Variants in GMPR observed in about 807,000 individuals in gnomAD.
GMPR encodes GMP reductase 1.
A neutral mutation model predicts 38.4 loss-of-function variants in GMPR; 31 were observed. That is an observed-to-expected ratio of 0.81 (90% CI 0.61 to 1.09). The LOEUF is 1.09. Ranked by LOEUF, GMPR falls within the 50% of genes least tolerant of loss-of-function variation. The pLI, the probability that GMPR is intolerant of heterozygous loss-of-function variation, is 0.00. For synonymous variants in GMPR, 162 were observed against 173.3 expected (o/e 0.93, Z 0.51); for missense variants, 468 against 453.7 (o/e 1.03, Z -0.29).
chr6:16,278,704 A>G, intron 5 of GMPR, 80 bp from the exon 6 acceptor site: 1 of 984,094 alleles, frequency 1.0e-6, no homozygotes, highest in Non-Finnish European at 1.6e-6. Context: ...CAGGGCTGCA[A>G]AGGTAAGGGG....
chr6:16,257,437 A>G lies in GMPR; in HGVS notation c.465+2702A>G, dbSNP rs182062161. Among the ~76,000 whole-genome samples the G allele has an allele frequency of 1.0e-3, 152 of 152,236 alleles. 2 individuals are homozygous for G. Among genetic ancestry groups the G allele is most frequent in the African/African-American group, 3.5e-3 (146 of 41,560 alleles). ...CTTGATAGTATATTTGAGATTCACC[A>G]CATTGCTTTATGTCAGCTGTATATA... On this transcript the variant is annotated intron_variant, in intron 4 of 8. Coordinates refer to ENST00000259727, the MANE Select transcript of GMPR (RefSeq NM_006877.4).
intron 4 of GMPR, among the ~76,000 whole-genome samples, chr6:16,256,682 AAAT>A (rs1192329673): frequency 6.6e-6 from 1 of 152,206 alleles, no homozygotes; most frequent in African/African-American, 2.4e-5. Context: ...GAATACTGTT[AAAT>A]AATAAGAAAT....
At chr6:16,239,415 C>T (rs1182577830) in intron 1 of GMPR, among the ~76,000 whole-genome samples, 1 of 152,188 alleles carries the variant, frequency 6.6e-6, no homozygotes, top group Non-Finnish European at 1.5e-5. Context: ...GAATTGGAAG[C>T]CTCGGGCATT....
At chr6:16,272,440 G>A (rs541171529) in intron 4 of GMPR, among the ~76,000 whole-genome samples, 4 of 152,268 alleles carry the variant, frequency 2.6e-5, no homozygotes, top group East Asian at 1.9e-4. Context: ...ATGGACAAAC[G>A]GCTTTCTGGG....
chr6:16,289,397 T>C (rs1314720503), intron 7 of GMPR: 2 of 152,284 alleles, frequency 1.3e-5, no homozygotes, highest in Non-Finnish European at 2.9e-5. Flanking sequence ...ATGATAACTT[T>C]TTTTCCCACG....
At chr6:16,256,972 G>A (rs1165045424) in intron 4 of GMPR, among the ~76,000 whole-genome samples, 1 of 152,142 alleles carries the variant, frequency 6.6e-6, no homozygotes, top group African/African-American at 2.4e-5. Context: ...TAAATCCCTT[G>A]GGATTTCCTG....
chr6:16,254,416 T>G, intron 3 of GMPR, 146 bp from the exon 4 acceptor site: 1 of 637,576 alleles, frequency 1.6e-6, no homozygotes, highest in Non-Finnish European at 2.8e-6. Context: ...CTGTTGCATG[T>G]GTCTTGAGCA....
At chr6:16,240,755 G>A (rs1033635184) in intron 1 of GMPR, among the ~76,000 whole-genome samples, 1 of 152,206 alleles carries the variant, frequency 6.6e-6, no homozygotes. Flanking sequence ...GTTCCAGTTT[G>A]GGATAGCATC....
intron 4 of GMPR, among the ~76,000 whole-genome samples, chr6:16,265,121 T>TA (rs966164436): frequency 1.1e-4 from 17 of 152,106 alleles, no homozygotes; most frequent in South Asian, 4.2e-4. Context: ...ACTTCTTTGT[T>TA]AAAAAAAAGT....
chr6:16,286,373 C>T (rs141264503), intron 7 of GMPR, among the ~76,000 whole-genome samples: 2 of 152,010 alleles, frequency 1.3e-5, no homozygotes, highest in African/African-American at 4.8e-5. Context: ...CCTCTCAACA[C>T]CACAAGCAGT....
intron 7 of GMPR, among the ~76,000 whole-genome samples, chr6:16,289,078 T>A (rs1229975846): frequency 6.6e-6 from 1 of 152,196 alleles, no homozygotes; most frequent in Non-Finnish European, 1.5e-5. Flanking sequence ...GGTGATTTGT[T>A]GTTTCGCTCT....
At chr6:16,252,931 G>A (rs970664337) in intron 3 of GMPR, among the ~76,000 whole-genome samples, 42 of 152,248 alleles carry the variant, frequency 2.8e-4, no homozygotes, top group African/African-American at 9.6e-4. Context: ...GTTATCATTT[G>A]GGGGAATAAC....
intron 4 of GMPR, among the ~76,000 whole-genome samples, chr6:16,270,449 G>A (rs1759361721): frequency 6.6e-6 from 1 of 152,112 alleles, no homozygotes; most frequent in Non-Finnish European, 1.5e-5. Context: ...CACCCAAGGT[G>A]CTTCATGACA....
At chr6:16,274,524 G>A (rs766141065) in intron 5 of GMPR, 28 bp downstream of exon 5, 1 of 1,302,706 alleles carries the variant, frequency 7.7e-7, no homozygotes, top group Non-Finnish European at 1.1e-6. Context: ...CACAGCAGAG[G>A]ACGTGTGTGG....
intron 4 of GMPR, chr6:16,264,419 GC>G: frequency 4.6e-6 from 1 of 215,998 alleles, no homozygotes; most frequent in Non-Finnish European, 9.0e-6. Context: ...TTCGCAAAGA[GC>G]AGGAGGACAG....
chr6:16,261,018 A>C (rs552776333), intron 4 of GMPR, among the ~76,000 whole-genome samples: 2 of 152,026 alleles, frequency 1.3e-5, no homozygotes, highest in South Asian at 2.1e-4. Flanking sequence ...GTAGAGAGTA[A>C]GTTGAGCATA....
At chr6:16,254,432 AC>A (rs1367212032) in intron 3 of GMPR, 129 bp from the exon 4 acceptor site, 11 of 703,738 alleles carry the variant, frequency 1.6e-5, no homozygotes, top group Non-Finnish European at 2.8e-5. Context: ...GAGCAGGTGC[AC>A]TGTGCATTTG....
intron 7 of GMPR, among the ~76,000 whole-genome samples, chr6:16,289,733 G>C (rs963435700): frequency 6.6e-6 from 1 of 150,950 alleles, no homozygotes; most frequent in Non-Finnish European, 1.5e-5. Flanking sequence ...ATAAGCACAG[G>C]GAGTGTCAGA....
chr6:16,295,197 A>G lies in GMPR; in HGVS notation c.*11A>G. 6.7e-7 allele frequency: 1 copy of G among 1,494,182 alleles called. No homozygotes were observed. The highest frequency in any genetic ancestry group is 8.9e-7 in the Non-Finnish European group (1 of 1,127,200). The allele number at this position is 1,494,182 out of a possible 1,614,324, so 92.6% of individuals were successfully genotyped here. A position where few individuals can be genotyped will look rare whatever the true frequency, so the allele number is the denominator to read the frequency against. Reference sequence around the variant, plus strand: ...ACCGTGTTCAGCTAACCCTGGGGACAAAGCAGCGTCTGGCTCGAGTGGAAG... The same window carrying G: ...ACCGTGTTCAGCTAACCCTGGGGACGAAGCAGCGTCTGGCTCGAGTGGAAG... On this transcript the variant is annotated 3_prime_UTR_variant, in exon 9 of 9. Transcript: ENST00000259727.
Sources: allele counts gnomAD v4.1 joint callset (sites outside exome capture counted in the v4.1 genomes callset), GRCh38; gene constraint gnomAD v4.1.1; transcripts MANE v1.5; gene names NCBI Gene and HGNC (gene_info 2026-07-23, HGNC 2026-07-21).